Variants in CTNNA1 observed in about 807,000 individuals in gnomAD.
CTNNA1 encodes catenin alpha-1.
A neutral mutation model predicts 98.4 loss-of-function variants in CTNNA1; 37 were observed. That is an observed-to-expected ratio of 0.38 (90% CI 0.29 to 0.49). The LOEUF is 0.49. CTNNA1 is among the 20% of genes least tolerant of loss of function. The probability of loss-of-function intolerance (pLI) is 0.95; values close to 1 mark genes in which losing one functional copy is unlikely to be tolerated. For synonymous variants in CTNNA1, 404 were observed against 413.2 expected, an observed-to-expected ratio of 0.98 and a Z score of 0.27; for missense variants, 761 against 1,147.2, an observed-to-expected ratio of 0.66 and a Z score of 4.86.
At chr5:138,769,633 A>G (rs922214663) in intron 1 of CTNNA1, among the ~76,000 whole-genome samples, 6 of 152,066 alleles carry the variant, frequency 3.9e-5, no homozygotes, top group African/African-American at 1.2e-4. Context: ...TCTGGGTTCA[A>G]GCGATTCTCC....
chr5:138,918,048 C>A (rs1762178242), intron 11 of CTNNA1, 150 bp downstream of exon 11: 1 of 917,962 alleles, frequency 1.1e-6, no homozygotes, highest in Non-Finnish European at 1.6e-6. Context: ...GTTAAAAAAG[C>A]TATCAGCTAC....
At chr5:138,795,652 T>C (rs1421604156) in intron 3 of CTNNA1, among the ~76,000 whole-genome samples, 1 of 152,172 alleles carries the variant, frequency 6.6e-6, no homozygotes, top group Non-Finnish European at 1.5e-5. Context: ...CAGGGCTGGA[T>C]GTTTTTTACT....
intron 7 of CTNNA1, among the ~76,000 whole-genome samples, chr5:138,867,290 G>A (rs1442818406): frequency 2.0e-5 from 3 of 152,154 alleles, no homozygotes; most frequent in Non-Finnish European, 4.4e-5. Flanking sequence ...CAGCTTCCCT[G>A]GCATTGGGAA....
At chr5:138,778,706 C>G (rs576954843) in intron 1 of CTNNA1, among the ~76,000 whole-genome samples, 8 of 152,242 alleles carry the variant, frequency 5.3e-5, no homozygotes, top group African/African-American at 1.9e-4. Flanking sequence ...ATACATTGTT[C>G]TTTCTACATT....
intron 2 of CTNNA1, chr5:138,782,420 G>A (rs1755222719): frequency 5.0e-6 from 2 of 401,386 alleles, no homozygotes; most frequent in African/African-American, 2.1e-5. Context: ...CAACTTGAGG[G>A]TTTAGGTTTG....
intron 9 of CTNNA1, among the ~76,000 whole-genome samples, chr5:138,903,092 T>C (rs1351534363): frequency 6.6e-6 from 1 of 152,148 alleles, no homozygotes; most frequent in East Asian, 1.9e-4. Flanking sequence ...TATGTGACTT[T>C]GAAGGACTCA....
rs1207363850 is a variant in CTNNA1 at position 138,925,360 on chromosome 5, G to A, written c.1852G>A (p.Val618Ile). 1.9e-6 allele frequency: 3 copies of A among 1,614,176 alleles called. No homozygotes were observed. The highest frequency in any genetic ancestry group is 2.2e-5 in the East Asian group (1 of 44,882). ...ENEFIDASRL[V>I]YDGIRDIRKA... ...TGAGTTTATCGATGCTTCCCGCCTGGTATATGATGGCATCCGGGACATCAG... is the reference window on the plus strand; with the variant it reads ...TGAGTTTATCGATGCTTCCCGCCTGATATATGATGGCATCCGGGACATCAG... The change falls in exon 13 of 18, where the codon GTA (valine) becomes ATA (isoleucine). Residue 618 changes from valine (V) to isoleucine (I), a missense_variant. Around this residue, in one of 6 missense-constraint regions of CTNNA1, gnomAD observed 287 missense variants for 436.0 expected, o/e 0.66. Transcript: ENST00000302763.
intron 3 of CTNNA1, among the ~76,000 whole-genome samples, chr5:138,802,355 G>C (rs576386664): frequency 3.9e-4 from 60 of 152,132 alleles, no homozygotes; most frequent in African/African-American, 1.3e-3. Flanking sequence ...TTATTTTGTA[G>C]AGATGGGGTC....
At chr5:138,918,763 T>G (rs749628939) in intron 11 of CTNNA1, among the ~76,000 whole-genome samples, 1 of 152,218 alleles carries the variant, frequency 6.6e-6, no homozygotes, top group Non-Finnish European at 1.5e-5. Context: ...GCTTGCTCTC[T>G]GAAAGTGCCA....
intron 5 of CTNNA1, among the ~76,000 whole-genome samples, chr5:138,820,597 T>G (rs999722702): frequency 1.6e-4 from 24 of 152,138 alleles, no homozygotes; most frequent in African/African-American, 5.3e-4. Flanking sequence ...TATAGGGTGG[T>G]GGAGGCCTGG....
chr5:138,815,941 C>T (rs926323516), intron 5 of CTNNA1, among the ~76,000 whole-genome samples: 46 of 152,290 alleles, frequency 3.0e-4, no homozygotes, highest in African/African-American at 1.1e-3. Context: ...TAATTTTGTC[C>T]TAAGGGCCCA....
chr5:138,882,939 C>T (rs1046207705), intron 7 of CTNNA1, among the ~76,000 whole-genome samples: 1 of 152,224 alleles, frequency 6.6e-6, no homozygotes, highest in African/African-American at 2.4e-5. Context: ...AGGGATTCTC[C>T]TGTCTCAGCC....
intron 4 of CTNNA1, 199 bp from the exon 5 acceptor site, chr5:138,811,984 C>A: frequency 2.1e-6 from 1 of 473,334 alleles, no homozygotes; most frequent in South Asian, 2.5e-5. Context: ...CTTTTAGAGG[C>A]CAATATTAGT....
chr5:138,810,819 G>A (rs966609640), intron 4 of CTNNA1, among the ~76,000 whole-genome samples: 10 of 152,250 alleles, frequency 6.6e-5, no homozygotes, highest in African/African-American at 2.2e-4. Flanking sequence ...CCTCCCAGAC[G>A]GGGTTTCGGC....
In CTNNA1 at chr5:138,894,974, T is replaced by G. The variant is rs564203298; in HGVS notation, c.1296+7332T>G. Among the ~76,000 whole-genome samples the G allele has an allele frequency of 5.9e-5, 9 of 152,288 alleles. No individual in the cohort carries two copies. The East Asian group carries it at 1.7e-3, about 29-fold the overall frequency. On this transcript the variant is annotated intron_variant, in intron 9 of 17. Transcript: ENST00000302763. ...CTCCATTGCATCCTCTAGCAGTCAT[T>G]TTTTCATTCACCAGTTTTACATCCT...
intron 3 of CTNNA1, among the ~76,000 whole-genome samples, chr5:138,804,124 G>T (rs1043548675): frequency 6.6e-6 from 1 of 152,178 alleles, no homozygotes; most frequent in Non-Finnish European, 1.5e-5. Flanking sequence ...ATTTTACAAG[G>T]TATCTTAATT....
intron 10 of CTNNA1, among the ~76,000 whole-genome samples, chr5:138,905,111 A>AAATACATAC (rs1554105203): frequency 1.4e-5 from 2 of 139,326 alleles, no homozygotes; most frequent in African/African-American, 5.8e-5. Flanking sequence ...AAAAAAAAAA[A>AAATACATAC]ATACATACAT....
chr5:138,930,092 T>G lies in CTNNA1; in HGVS notation c.2011-381T>G, dbSNP rs1191242415. Reference sequence around the variant, plus strand: ...AAAGCCACTTTCAGTTCATCTTGAATAGTTGGAAATGTCCATCAGGGCCCA... The same window carrying G: ...AAAGCCACTTTCAGTTCATCTTGAAGAGTTGGAAATGTCCATCAGGGCCCA... On this transcript the variant is annotated intron_variant, in intron 14 of 17. Coordinates refer to ENST00000302763, the MANE Select transcript of CTNNA1 (RefSeq NM_001903.5). 3.3e-5 allele frequency among the ~76,000 whole-genome samples: 5 copies of G among 152,202 alleles called. No homozygotes were observed. In the East Asian group the frequency reaches 9.6e-4, roughly 29 times the overall value.
Position 138,930,667 on chromosome 5 carries a change from C to G in CTNNA1, c.2192+13C>G, listed in dbSNP as rs933339861. On this transcript the variant is annotated intron_variant, in intron 15 of 17. Coordinates refer to ENST00000302763, the MANE Select transcript of CTNNA1 (RefSeq NM_001903.5). ...CAGACTTTACCCGGTGAGCAGCACC[C>G]CGGCCCCACCAGGCTGCACAGGGGC... 1 of 1,606,924 alleles carries G rather than the reference C, an allele frequency of 6.2e-7. No individual in the cohort carries two copies. The highest frequency in any genetic ancestry group is 8.5e-7 in the Non-Finnish European group (1 of 1,175,504).
Sources: gnomAD v4.1 joint callset for allele counts (sites outside exome capture counted in the v4.1 genomes callset) on GRCh38, gnomAD v4.1.1 for gene constraint, gnomAD v4.1.1 regional missense constraint, MANE v1.5 for transcripts, NCBI Gene and HGNC (gene_info 2026-07-23, HGNC 2026-07-21) for gene names.